The following MAML3 variants were observed in gnomAD, a reference collection of about 807,000 sequenced individuals.
MAML3 encodes the protein mastermind like transcriptional coactivator 3, also known as mastermind-like protein 3.
In MAML3, 27 loss-of-function variants were observed where a neutral mutation model predicts 101.9. The ratio of observed to expected loss-of-function variants is 0.27; its 90% confidence interval spans 0.20 to 0.37. The LOEUF is 0.37. Among genes scored for constraint, MAML3 ranks in the 10% least tolerant of loss-of-function variants. The probability of loss-of-function intolerance (pLI) is 1.00; values close to 1 mark genes in which losing one functional copy is unlikely to be tolerated. For synonymous variants in MAML3, 501 were observed against 555.9 expected (o/e 0.90, Z 1.39); for missense variants, 1,316 against 1,444.9 (o/e 0.91, Z 1.45).
chr4:139,742,965 T>C (rs1174066439), intron 2 of MAML3, among the ~76,000 whole-genome samples: 1 of 152,198 alleles, frequency 6.6e-6, no homozygotes, highest in Non-Finnish European at 1.5e-5. Flanking sequence ...CCTAATTTCT[T>C]TCCACCAGAA....
intron 1 of MAML3, among the ~76,000 whole-genome samples, chr4:140,010,663 G>T (rs899784394): frequency 7.9e-5 from 12 of 152,020 alleles, no homozygotes; most frequent in African/African-American, 2.9e-4. Flanking sequence ...GTTTCATAAG[G>T]TCTGCTCATG....
At chr4:139,746,401 CTGAG>C (rs749840007) in intron 2 of MAML3, among the ~76,000 whole-genome samples, 3 of 152,070 alleles carry the variant, frequency 2.0e-5, no homozygotes, top group Non-Finnish European at 4.4e-5. Context: ...AACTTGGAGA[CTGAG>C]TGTCTTCTCT....
At chr4:140,006,909 C>A (rs2110853051) in intron 1 of MAML3, among the ~76,000 whole-genome samples, 1 of 152,252 alleles carries the variant, frequency 6.6e-6, no homozygotes, top group South Asian at 2.1e-4. Flanking sequence ...TTCCCGTCAA[C>A]CCCTTGAGGT....
rs1179721915 is a variant in MAML3, at chr4:139,720,333, A to G, written c.2417-10T>C. On this transcript the variant is annotated splice_polypyrimidine_tract_variant and intron_variant, in intron 4 of 4. Transcript: ENST00000509479. ...ATATCCTGGGGAGAACCTGCAGTGA[A>G]AAAGAGGACACATACCACTCACTCT... 6.6e-7 allele frequency: 1 copy of G among 1,517,456 alleles called. No individual in the cohort carries two copies. The highest frequency in any genetic ancestry group is 8.8e-7 in the Non-Finnish European group (1 of 1,133,366). 94.0% of individuals were successfully genotyped at this position (1,517,456 alleles called of 1,614,324 possible).
At chr4:139,986,495 C>T (rs1303321472) in intron 1 of MAML3, among the ~76,000 whole-genome samples, 1 of 152,184 alleles carries the variant, frequency 6.6e-6, no homozygotes, top group African/African-American at 2.4e-5. Context: ...ATTCATTATT[C>T]TCCCACTTCT....
At chr4:139,742,273 C>T (rs1268602233) in intron 2 of MAML3, among the ~76,000 whole-genome samples, 1 of 152,074 alleles carries the variant, frequency 6.6e-6, no homozygotes, top group African/African-American at 2.4e-5. Context: ...CTCAGCCTCC[C>T]TAGTAGCTGG....
chr4:140,131,182 T>C (rs1217046885), intron 1 of MAML3, among the ~76,000 whole-genome samples: 1 of 152,174 alleles, frequency 6.6e-6, no homozygotes, highest in Non-Finnish European at 1.5e-5. Flanking sequence ...GGAAGAAGGA[T>C]GCAGATATTC....
chr4:140,133,044 T>C (rs754669634), intron 1 of MAML3: 11 of 423,676 alleles, frequency 2.6e-5, no homozygotes, highest in Admixed American at 5.7e-5. Context: ...TGTATTTATT[T>C]TAAAAGGAGG....
intron 1 of MAML3, among the ~76,000 whole-genome samples, chr4:139,927,058 TTTTTTTC>T (rs1222648349): frequency 8.1e-6 from 1 of 123,880 alleles, no homozygotes; most frequent in African/African-American, 3.2e-5. Flanking sequence ...GTTTAATGAG[TTTTTTTC>T]TTTTTTCTTT....
At chr4:140,016,051 A>T (rs1726636799) in intron 1 of MAML3, among the ~76,000 whole-genome samples, 1 of 151,156 alleles carries the variant, frequency 6.6e-6, no homozygotes, top group Non-Finnish European at 1.5e-5. Context: ...AGAGATCTTT[A>T]AAAAAAAAGG....
At chr4:139,857,098 C>T (rs1731675262) in intron 2 of MAML3, among the ~76,000 whole-genome samples, 2 of 152,120 alleles carry the variant, frequency 1.3e-5, no homozygotes, top group Admixed American at 6.5e-5. Flanking sequence ...CAAATATCAG[C>T]GACATTAAAC....
chr4:140,123,249 C>T lies in MAML3; in HGVS notation c.468+29611G>A, dbSNP rs906111028. On this transcript the variant is annotated intron_variant, in intron 1 of 4. Coordinates refer to ENST00000509479, the MANE Select transcript of MAML3 (RefSeq NM_018717.5). The stretch of plus-strand genomic sequence containing the variant: ...AAACAAGGTTTGTTAAGACAGCTTA[C>T]AAAAATACACACAGAATAAACCATA... Among the ~76,000 whole-genome samples the T allele has an allele frequency of 2.0e-5, 3 of 152,108 alleles. No homozygotes were observed. The East Asian group carries it at 5.8e-4, about 29-fold the overall frequency.
intron 3 of MAML3, 77 bp downstream of exon 3, chr4:139,730,339 T>A (rs1261292471): frequency 2.3e-6 from 3 of 1,317,892 alleles, no homozygotes; most frequent in Non-Finnish European, 3.2e-6. Context: ...GAACTGCCAC[T>A]TCCTCACAGG....
intron 2 of MAML3, among the ~76,000 whole-genome samples, chr4:139,835,456 C>T (rs1391522730): frequency 6.6e-6 from 1 of 152,192 alleles, no homozygotes; most frequent in Non-Finnish European, 1.5e-5. Flanking sequence ...AGACTCTGAA[C>T]CTATGGCTTT....
intron 2 of MAML3, among the ~76,000 whole-genome samples, chr4:139,757,181 A>G (rs1318087632): frequency 1.3e-5 from 2 of 152,010 alleles, no homozygotes; most frequent in Non-Finnish European, 2.9e-5. Context: ...CCTCCTCCAC[A>G]GCACCCTACT....
chr4:139,924,780 T>C (rs1733188511), intron 1 of MAML3, among the ~76,000 whole-genome samples: 1 of 152,224 alleles, frequency 6.6e-6, no homozygotes, highest in South Asian at 2.1e-4. Context: ...CTTAGGAAAC[T>C]AGCATCTTAT....
chr4:139,968,311 A>G (rs1469011072), intron 1 of MAML3, among the ~76,000 whole-genome samples: 1 of 132,154 alleles, frequency 7.6e-6, no homozygotes, highest in Non-Finnish European at 1.5e-5. Flanking sequence ...CTCTGTCTTA[A>G]AAAAAAAAAA....
chr4:139,909,828 T>C (rs1732884346), intron 1 of MAML3, among the ~76,000 whole-genome samples: 1 of 98,432 alleles, frequency 1.0e-5, no homozygotes, highest in South Asian at 3.8e-4. Flanking sequence ...CAGAGTGCGA[T>C]GCCGTCTCAA....
At chr4:140,152,059 G>A (rs1729181261) in intron 1 of MAML3, among the ~76,000 whole-genome samples, 1 of 152,144 alleles carries the variant, frequency 6.6e-6, no homozygotes. Flanking sequence ...GCCTCTTGGC[G>A]CAAACCCTGG....
Sources: gnomAD v4.1 joint callset for allele counts (sites outside exome capture counted in the v4.1 genomes callset) on GRCh38, gnomAD v4.1.1 for gene constraint, MANE v1.5 for transcripts, NCBI Gene and HGNC (gene_info 2026-07-23, HGNC 2026-07-21) for gene names.